The following RANBP17 variants were observed in gnomAD, a reference collection of about 807,000 sequenced individuals.
The protein encoded by RANBP17 is RAN binding protein 17.
RANBP17 carries 158 observed loss-of-function variants against 141.2 expected under a neutral mutation model. That is an observed-to-expected ratio of 1.12 (90% CI 0.98 to 1.28). The LOEUF is 1.28. RANBP17 is among the 50% of genes most tolerant of loss of function. RANBP17 has a pLI of 0.00. For missense variants in RANBP17, 1,438 were observed against 1,290.7 expected (o/e 1.11, Z -1.75); for synonymous variants, 430 against 450.0 (o/e 0.96, Z 0.56).
At chr5:171,256,042 G>T (rs949251994) in intron 24 of RANBP17, among the ~76,000 whole-genome samples, 28 of 151,942 alleles carry the variant, frequency 1.8e-4, no homozygotes, top group African/African-American at 6.5e-4. Context: ...GGGTCTTGTG[G>T]TAACCATCGG....
chr5:171,114,651 T>C (rs1755485273), intron 14 of RANBP17, among the ~76,000 whole-genome samples: 2 of 150,110 alleles, frequency 1.3e-5, no homozygotes, highest in South Asian at 4.3e-4. Context: ...TTTAATACAG[T>C]TTATTGAATA....
intron 14 of RANBP17, among the ~76,000 whole-genome samples, chr5:171,079,024 C>T (rs760268597): frequency 5.9e-5 from 9 of 152,174 alleles, no homozygotes; most frequent in Non-Finnish European, 1.2e-4. Flanking sequence ...TGAAAACCTT[C>T]TGGAAAGGTT....
intron 25 of RANBP17, among the ~76,000 whole-genome samples, chr5:171,275,174 T>TATTTCAGCCAGTGACAATAC (rs1413057987): frequency 1.3e-5 from 2 of 152,210 alleles, no homozygotes; most frequent in South Asian, 2.1e-4. Flanking sequence ...CCAAGTCATT[T>TATTTCAGCCAGTGACAATAC]ATTTCAGCCA....
intron 25 of RANBP17, among the ~76,000 whole-genome samples, chr5:171,286,987 C>A (rs2128041055): frequency 6.6e-6 from 1 of 152,310 alleles, no homozygotes; most frequent in East Asian, 1.9e-4. Context: ...CCTTCCCCTT[C>A]TCTTTTACTG....
chr5:171,294,115 G>T (rs1452293683), intron 26 of RANBP17, 134 bp downstream of exon 26: 2 of 690,568 alleles, frequency 2.9e-6, no homozygotes, highest in African/African-American at 1.7e-5. Context: ...TGCGAACTCT[G>T]TGAGGCTGTA....
intron 12 of RANBP17, among the ~76,000 whole-genome samples, chr5:170,941,517 A>G (rs1479699704): frequency 2.0e-5 from 3 of 152,160 alleles, no homozygotes; most frequent in African/African-American, 2.4e-5. Context: ...TAAAAAAGAG[A>G]CAAGAATTTA....
At chr5:171,269,722 A>AATAG (rs1766973084) in intron 25 of RANBP17, among the ~76,000 whole-genome samples, 1 of 152,142 alleles carries the variant, frequency 6.6e-6, no homozygotes, top group Non-Finnish European at 1.5e-5. Flanking sequence ...TGCTGTTTTT[A>AATAG]ATAGATGATT....
At position 171,063,876 on chromosome 5, in the gene RANBP17, C is replaced by G. The variant is rs548237841; in HGVS notation, c.1710+95499C>G. 2.6e-5 allele frequency among the ~76,000 whole-genome samples: 4 copies of G among 152,348 alleles called. No individual in the cohort carries two copies. In the East Asian group the frequency reaches 7.7e-4, roughly 29 times the overall value. ...CGAGCCTGGGCAATGGCGGGCGCCC[C>G]TCCCCCAGCCTCGCTGCTGCCTTGC... On this transcript the variant is annotated intron_variant, in intron 14 of 27. Coordinates refer to ENST00000523189, the MANE Select transcript of RANBP17 (RefSeq NM_022897.5).
At chr5:170,870,868 C>T (rs147451946) in intron 1 of RANBP17, among the ~76,000 whole-genome samples, 1 of 152,290 alleles carries the variant, frequency 6.6e-6, no homozygotes, top group African/African-American at 2.4e-5. Context: ...TTCTCCACAG[C>T]TTGGCCAGCA....
At chr5:171,170,030 A>T in intron 14 of RANBP17, 100 bp from the exon 15 acceptor site, 1 of 545,426 alleles carries the variant, frequency 1.8e-6, no homozygotes, top group Non-Finnish European at 3.1e-6. Context: ...TTCAGTGTGG[A>T]TACCACAGTG....
chr5:171,209,348 A>T (rs1762747572), intron 20 of RANBP17, among the ~76,000 whole-genome samples: 1 of 152,216 alleles, frequency 6.6e-6, no homozygotes, highest in African/African-American at 2.4e-5. Context: ...CCCTTATTCC[A>T]TAGGTAGTAT....
intron 14 of RANBP17, among the ~76,000 whole-genome samples, chr5:171,149,985 C>T (rs528149983): frequency 1.9e-4 from 29 of 152,262 alleles, no homozygotes; most frequent in Admixed American, 1.9e-3. Context: ...GGGAGGCAAG[C>T]AGAGTGTTGA....
chr5:171,084,225 T>C (rs1432823943), intron 14 of RANBP17, among the ~76,000 whole-genome samples: 2 of 150,180 alleles, frequency 1.3e-5, no homozygotes, highest in Non-Finnish European at 3.0e-5. Flanking sequence ...GTTTTTTTGT[T>C]CTTGCGATAG....
At chr5:170,904,090 G>A in intron 5 of RANBP17, 1 of 432,194 alleles carries the variant, frequency 2.3e-6, no homozygotes, top group African/African-American at 2.1e-5. Flanking sequence ...CTCATGGTTA[G>A]AGGAAATGTA....
At chr5:171,176,674 C>T (rs961865412) in intron 16 of RANBP17, among the ~76,000 whole-genome samples, 7 of 152,156 alleles carry the variant, frequency 4.6e-5, no homozygotes, top group African/African-American at 1.7e-4. Flanking sequence ...AAAATCTACA[C>T]ATTAAAAATA....
At chr5:171,174,756 G>GTGTC (rs1445246097) in intron 16 of RANBP17, among the ~76,000 whole-genome samples, 1 of 139,468 alleles carries the variant, frequency 7.2e-6, no homozygotes, top group Non-Finnish European at 1.6e-5. Flanking sequence ...TCTAGAGTGT[G>GTGTC]TGTGTGTGTG....
At chr5:171,010,802 TAG>T (rs1308477636) in intron 14 of RANBP17, among the ~76,000 whole-genome samples, 5 of 152,058 alleles carry the variant, frequency 3.3e-5, no homozygotes, top group African/African-American at 1.2e-4. Context: ...TTTGACAACT[TAG>T]AGAAAAATGA....
At chr5:171,023,643 G>A (rs1781032934) in intron 14 of RANBP17, among the ~76,000 whole-genome samples, 2 of 152,030 alleles carry the variant, frequency 1.3e-5, no homozygotes, top group South Asian at 4.1e-4. Flanking sequence ...TTGGCATTTT[G>A]TTTTTCTTTC....
Position 170,985,219 on chromosome 5 carries a change from G to C in RANBP17, c.1710+16842G>C, listed in dbSNP as rs149960190. ...CCAAAAGTTAGAAGTTTTGAACTTT[G>C]TTCTTAAATCCCTTTATTCAAGCTT... On this transcript the variant is annotated intron_variant, in intron 14 of 27. Coordinates refer to ENST00000523189, the MANE Select transcript of RANBP17 (RefSeq NM_022897.5). Among the ~76,000 whole-genome samples, 337 of 152,092 alleles carry C rather than the reference G, an allele frequency of 2.2e-3. 1 individual carries two copies. The highest frequency in any genetic ancestry group is 7.3e-3 in the African/African-American group (304 of 41,512).
Sources: allele counts gnomAD v4.1 joint callset (sites outside exome capture counted in the v4.1 genomes callset), GRCh38; gene constraint gnomAD v4.1.1; transcripts MANE v1.5; gene names NCBI Gene and HGNC (gene_info 2026-07-23, HGNC 2026-07-21).